The following URI1 variants were observed in gnomAD, a reference collection of about 807,000 sequenced individuals.
The protein encoded by URI1 is unconventional prefoldin RPB5 interactor 1.
Under a neutral mutation model 60.2 loss-of-function variants are expected in URI1, and 39 were observed. The ratio of observed to expected loss-of-function variants is 0.65; its 90% CI spans 0.50 to 0.85. The LOEUF is 0.85. Among genes scored for constraint, URI1 ranks in the 40% least tolerant of loss-of-function variants. The probability of loss-of-function intolerance (pLI) is 0.00; values close to 1 mark genes in which losing one functional copy is unlikely to be tolerated. For missense variants in URI1, 691 were observed against 665.9 expected, an observed-to-expected ratio of 1.04 and a Z score of -0.42; for synonymous variants, 251 against 236.8, an observed-to-expected ratio of 1.06 and a Z score of -0.55.
At position 30,012,418 on chromosome 19, in the gene URI1, T is replaced by C. The variant is rs747802047; in HGVS notation, c.1312T>C (p.Leu438=). Residue 438 remains leucine, a synonymous_variant, in exon 10 of 11, where the codon TTG becomes CTG. Transcript: ENST00000392271. ...TGAATTTGATGATAGGCGGGGAGTT[T>C]TGAGGAGTATCAGCTGCGAAGAAGC... is the stretch of plus-strand genomic sequence containing the variant. ...AAEFDDRRGV[L]RSISCEEATC... 5 of 1,613,970 alleles carry C rather than the reference T, an allele frequency of 3.1e-6. No individual in the cohort carries two copies. The highest frequency in any genetic ancestry group is 2.2e-5 in the East Asian group (1 of 44,878).
intron 4 of URI1, among the ~76,000 whole-genome samples, chr19:29,994,802 G>A (rs1446808206): frequency 6.7e-6 from 1 of 149,006 alleles, no homozygotes; most frequent in Admixed American, 6.7e-5. Flanking sequence ...TTTTTTTGAG[G>A]CAGGGTCTCA....
At chr19:29,974,242 A>C (rs1478413801) in intron 2 of URI1, among the ~76,000 whole-genome samples, 1 of 152,108 alleles carries the variant, frequency 6.6e-6, no homozygotes, top group Non-Finnish European at 1.5e-5. Context: ...CCTGCCCGGC[A>C]CTCAATAAGT....
chr19:29,948,317 G>A (rs335037), intron 1 of URI1, among the ~76,000 whole-genome samples: 3,805 of 152,070 alleles, frequency 0.025, 172 homozygotes, highest in African/African-American at 0.087. Context: ...GGGCATCAGG[G>A]GTCAACTTTT....
chr19:29,927,614 G>T (rs2054881174), intron 1 of URI1, among the ~76,000 whole-genome samples: 1 of 119,354 alleles, frequency 8.4e-6, no homozygotes, highest in Non-Finnish European at 1.6e-5. Context: ...TGTCGCCCAG[G>T]CTAGAGTGCT....
At chr19:29,925,908 TA>T (rs1431087754) in intron 1 of URI1, 2 of 152,266 alleles carry the variant, frequency 1.3e-5, no homozygotes, top group East Asian at 1.9e-4. Context: ...GCACATACCG[TA>T]TGAGTCCATT....
rs963007878 is a variant in URI1, at chr19:30,009,040, C to T, written c.722C>T (p.Thr241Met). Reference sequence around the variant, plus strand: ...ACTGTGATTGCAAATGGAGAAGATACGACATCTTCTGAAGAGGAAAAGGAA... The same window carrying T: ...ACTGTGATTGCAAATGGAGAAGATATGACATCTTCTGAAGAGGAAAAGGAA... ...PDTVIANGED[T>M]TSSEEEKEDR... Residue 241 changes from threonine to methionine, a missense_variant, in exon 8 of 11, where the codon ACG becomes ATG. Coordinates refer to ENST00000392271, the MANE Select transcript of URI1 (RefSeq NM_003796.3). 14 of 1,612,756 alleles carry T rather than the reference C, an allele frequency of 8.7e-6. No individual in the cohort carries two copies. The highest frequency in any genetic ancestry group is 6.7e-5 in the Admixed American group (4 of 59,956).
chr19:29,958,525 A>C (rs544371307), intron 1 of URI1, among the ~76,000 whole-genome samples: 1 of 152,374 alleles, frequency 6.6e-6, no homozygotes, highest in African/African-American at 2.4e-5. Context: ...GCATTCCTGC[A>C]GCAAACCCAT....
chr19:29,938,534 G>C (rs78869741), upstream of URI1, among the ~76,000 whole-genome samples: 514 of 152,194 alleles, frequency 3.4e-3, 5 homozygotes, highest in African/African-American at 0.012. Flanking sequence ...CCATGTTAGT[G>C]GCCCTCTATT....
chr19:30,012,222 A>T (rs774600660), intron 9 of URI1, 63 bp from the exon 10 acceptor site: 1 of 1,497,276 alleles, frequency 6.7e-7, no homozygotes. Flanking sequence ...GAAATTTTCA[A>T]AAAGTTGTTC....
At chr19:29,937,511 G>C (rs1488803266), upstream of URI1, 1 of 152,132 alleles carries the variant, frequency 6.6e-6, no homozygotes, top group Non-Finnish European at 1.5e-5. Flanking sequence ...CTCCTCTTCA[G>C]GGATTGCTGA....
intron 2 of URI1, among the ~76,000 whole-genome samples, chr19:29,972,425 T>C (rs1223408379): frequency 2.6e-5 from 4 of 152,122 alleles, no homozygotes; most frequent in African/African-American, 9.7e-5. Context: ...GCACATTTAG[T>C]CAGAGTGGCC....
At chr19:29,953,319 T>C (rs2055202621) in intron 1 of URI1, among the ~76,000 whole-genome samples, 1 of 152,204 alleles carries the variant, frequency 6.6e-6, no homozygotes, top group Non-Finnish European at 1.5e-5. Context: ...GGCTATTGAC[T>C]GTTGTATTGG....
intron 1 of URI1, among the ~76,000 whole-genome samples, chr19:29,946,991 G>A (rs913671507): frequency 7.2e-4 from 109 of 152,332 alleles, no homozygotes; most frequent in African/African-American, 2.6e-3. Flanking sequence ...TGTAGAGAAT[G>A]AGGGATGTGA....
Position 29,942,425 on chromosome 19 carries a change from C to G in URI1, c.-123C>G, listed in dbSNP as rs1350767901. The G allele has an allele frequency of 1.0e-6, 1 of 983,622 alleles. No homozygotes were observed. The highest frequency in any genetic ancestry group is 1.2e-6 in the Non-Finnish European group (1 of 829,592). The allele number at this position is 983,622 out of a possible 1,614,324, so 60.9% of individuals were successfully genotyped here. ...GCAGCGGCGGCGGCGGGCGCGGCCT[C>G]CTGGGCGCGGGGCGCGCGGTGCCTG... On this transcript the variant is annotated 5_prime_UTR_variant, in exon 1 of 11. Transcript: ENST00000392271.
intron 1 of URI1, among the ~76,000 whole-genome samples, chr19:29,950,653 C>G (rs2145252910): frequency 6.6e-6 from 1 of 152,264 alleles, no homozygotes; most frequent in Middle Eastern, 3.4e-3. Flanking sequence ...CATTTTACAT[C>G]AAGGTCATTC....
At chr19:29,927,266 T>C (rs1300611439) in intron 1 of URI1, among the ~76,000 whole-genome samples, 4 of 151,162 alleles carry the variant, frequency 2.6e-5, no homozygotes, top group Non-Finnish European at 5.9e-5. Flanking sequence ...TCCCTCTTTT[T>C]TTTTTTTTTT....
intron 2 of URI1, among the ~76,000 whole-genome samples, chr19:29,977,253 C>CACAGAAGCACTGAACTA (rs2055534929): frequency 1.3e-5 from 2 of 151,828 alleles, no homozygotes; most frequent in South Asian, 4.1e-4. Context: ...ATTCCTTGTG[C>CACAGAAGCACTGAACTA]ACAGAAGCAC....
At chr19:30,013,382 T>C (rs1372405382) in intron 10 of URI1, among the ~76,000 whole-genome samples, 1 of 152,158 alleles carries the variant, frequency 6.6e-6, no homozygotes, top group African/African-American at 2.4e-5. Flanking sequence ...ATTGGTAGCA[T>C]TTAGGGACAG....
In URI1 at chr19:30,015,162, A is replaced by G. The variant is rs1191270613; in HGVS notation, c.*93A>G. 7 of 1,495,534 alleles carry G rather than the reference A, an allele frequency of 4.7e-6. No homozygotes were observed. The highest frequency in any genetic ancestry group is 2.8e-5 in the African/African-American group (2 of 70,592). The allele number at this position is 1,495,534 out of a possible 1,614,324, so 92.6% of individuals were successfully genotyped here. On this transcript the variant is annotated 3_prime_UTR_variant, in exon 11 of 11. Coordinates refer to ENST00000392271, the MANE Select transcript of URI1 (RefSeq NM_003796.3). ...CAAAATAGGTTACATGTAGTTTGAA[A>G]TAAGGTATCCTGAGTTACTTTGGCA...
Sources: gnomAD v4.1 joint callset for allele counts (sites outside exome capture counted in the v4.1 genomes callset) on GRCh38, gnomAD v4.1.1 for gene constraint, MANE v1.5 for transcripts, NCBI Gene and HGNC (gene_info 2026-07-23, HGNC 2026-07-21) for gene names.